SEPTIN8: variants seen among roughly 807,000 people sequenced by gnomAD.
SEPTIN8 encodes septin-8.
In SEPTIN8, 22 loss-of-function variants were observed where a neutral mutation model predicts 53.1. The observed-to-expected ratio is 0.41, with a 90% CI of 0.30 to 0.59. The LOEUF (loss-of-function observed/expected upper bound fraction) is 0.59, where lower values mean the gene tolerates loss of function less well. SEPTIN8 is among the 20% of genes least tolerant of loss of function. The pLI is 0.24. For synonymous variants in SEPTIN8, 228 were observed against 248.4 expected (o/e 0.92, Z 0.77); for missense variants, 536 against 638.7 (o/e 0.84, Z 1.73).
intron 9 of SEPTIN8, chr5:132,755,938 C>A (rs1018172525): frequency 1.0e-4 from 97 of 965,496 alleles, no homozygotes; most frequent in Non-Finnish European, 1.2e-4. Flanking sequence ...ACAGTTGTAG[C>A]AGATTAATGG....
chr5:132,772,682 AT>A (rs1757434362), intron 1 of SEPTIN8, among the ~76,000 whole-genome samples: 2 of 152,190 alleles, frequency 1.3e-5, no homozygotes, highest in Non-Finnish European at 2.9e-5. Flanking sequence ...GGACGGAGGA[AT>A]GCATGGGCAC....
chr5:132,763,543 A>C (rs1043536044), intron 4 of SEPTIN8, among the ~76,000 whole-genome samples, 163 bp downstream of exon 4: 1 of 152,118 alleles, frequency 6.6e-6, no homozygotes, highest in African/African-American at 2.4e-5. Context: ...CTGGAGCAGG[A>C]GGAACAGACG....
chr5:132,757,472 A>G (rs1755448257), intron 9 of SEPTIN8: 1 of 985,548 alleles, frequency 1.0e-6, no homozygotes, highest in Non-Finnish European at 1.2e-6. Flanking sequence ...GGAAATGGTC[A>G]TGAGAAGGAA....
intron 1 of SEPTIN8, among the ~76,000 whole-genome samples, chr5:132,772,450 T>C (rs1160891764): frequency 6.6e-6 from 1 of 152,144 alleles, no homozygotes; most frequent in Admixed American, 6.6e-5. Flanking sequence ...GGCTGCAGAA[T>C]GTACTAGAAC....
At chr5:132,766,790 T>G (rs1756649342) in intron 1 of SEPTIN8, among the ~76,000 whole-genome samples, 1 of 152,112 alleles carries the variant, frequency 6.6e-6, no homozygotes, top group Non-Finnish European at 1.5e-5. Flanking sequence ...CAGGGGGCCC[T>G]GACTCCTGCC....
intron 9 of SEPTIN8, chr5:132,757,065 C>G (rs1755406969): frequency 1.0e-6 from 1 of 985,426 alleles, no homozygotes; most frequent in Non-Finnish European, 1.2e-6. Flanking sequence ...TTTAGATACC[C>G]TCACTGAAGC....
intron 1 of SEPTIN8, among the ~76,000 whole-genome samples, chr5:132,767,231 C>T (rs1430093556): frequency 1.3e-5 from 2 of 152,322 alleles, no homozygotes; most frequent in East Asian, 3.9e-4. Flanking sequence ...AGTTTCCTCT[C>T]ATTGGTGCCC....
chr5:132,752,833 C>A, intron 9 of SEPTIN8: 1 of 1,567,092 alleles, frequency 6.4e-7, no homozygotes, highest in Non-Finnish European at 8.8e-7. Context: ...TATGATGGTT[C>A]TGCTTGAAGA....
chr5:132,772,631 G>A (rs1223212457), intron 1 of SEPTIN8, among the ~76,000 whole-genome samples: 4 of 152,214 alleles, frequency 2.6e-5, no homozygotes, highest in Admixed American at 6.5e-5. Flanking sequence ...AAGGTGCCCC[G>A]CCTTCTGTCC....
intron 1 of SEPTIN8, among the ~76,000 whole-genome samples, chr5:132,770,022 TACACAC>T (rs1300625919): frequency 6.0e-4 from 21 of 34,992 alleles, no homozygotes; most frequent in African/African-American, 2.1e-3. Context: ...TATATATATA[TACACAC>T]ACATATATAT....
At chr5:132,763,209 C>G (rs1756178113) in intron 4 of SEPTIN8, among the ~76,000 whole-genome samples, 2 of 152,198 alleles carry the variant, frequency 1.3e-5, no homozygotes, top group African/African-American at 2.4e-5. Context: ...CCTTCTCTAC[C>G]CCTACAGTAC....
At chr5:132,765,721 T>C (rs1455767496) in intron 1 of SEPTIN8, among the ~76,000 whole-genome samples, 192 bp from the exon 2 acceptor site, 1 of 152,144 alleles carries the variant, frequency 6.6e-6, no homozygotes, top group African/African-American at 2.4e-5. Context: ...GGGAGCCCGA[T>C]GCCCCCAGGG....
chr5:132,769,333 C>G (rs1308266331), intron 1 of SEPTIN8, among the ~76,000 whole-genome samples: 2 of 152,226 alleles, frequency 1.3e-5, no homozygotes, highest in African/African-American at 4.8e-5. Flanking sequence ...GCTTCCAACT[C>G]ATTCATTCAG....
chr5:132,757,523 T>C (rs1755453561), intron 9 of SEPTIN8: 2 of 985,508 alleles, frequency 2.0e-6, no homozygotes, highest in Non-Finnish European at 1.2e-6. Flanking sequence ...CCACAATAAA[T>C]TAGCACGTCT....
rs181420021 is a variant in SEPTIN8, at chr5:132,751,036, G to T, written c.*980C>A. ...TGTTTACAGAGTCTACCCTAAACTC[G>T]TTTGTGCCTTTGGAACAGCTGTTTA... On this transcript the variant is annotated 3_prime_UTR_variant, in exon 10 of 10. Coordinates refer to ENST00000378719, the MANE Select transcript of SEPTIN8 (RefSeq NM_001098811.2). 4 of 1,603,832 alleles carry T rather than the reference G, an allele frequency of 2.5e-6. No homozygotes were observed. The highest frequency in any genetic ancestry group is 3.4e-6 in the Non-Finnish European group (4 of 1,175,962).
intron 9 of SEPTIN8, chr5:132,758,595 T>C: frequency 6.2e-7 from 1 of 1,607,024 alleles, no homozygotes; most frequent in Non-Finnish European, 8.5e-7. Flanking sequence ...GATTCCAGCA[T>C]TCATGGCTTT....
intron 4 of SEPTIN8, 147 bp from the exon 5 acceptor site, chr5:132,762,792 G>T (rs1756130778): frequency 3.5e-6 from 3 of 847,690 alleles, no homozygotes; most frequent in Non-Finnish European, 3.7e-6. Context: ...ACTCCCACGG[G>T]CAGCCATAGT....
At chr5:132,770,073 ATATATATG>A (rs1757108612) in intron 1 of SEPTIN8, among the ~76,000 whole-genome samples, 1 of 63,484 alleles carries the variant, frequency 1.6e-5, no homozygotes. Context: ...GTATATATAT[ATATATATG>A]TATATATGTA....
In SEPTIN8 at chr5:132,752,083, C is replaced by T; in HGVS notation, c.1385G>A (p.Trp462Ter). 4 of 1,603,056 alleles carry T rather than the reference C, an allele frequency of 2.5e-6. No homozygotes were observed. Among genetic ancestry groups the T allele is most frequent in the Non-Finnish European group, 3.4e-6 (4 of 1,174,956 alleles). Residue 462 changes from tryptophan (W) to a stop codon, truncating the protein, a stop_gained, in exon 10 of 10, where the codon TGG becomes TAG. Transcript: ENST00000378719. LOFTEE classifies it high-confidence loss of function. ...ASVEPLNCSSWWPAIQCCSCL... is the reference protein window; with the variant it reads ...ASVEPLNCSS ...GCTGCAGCACTGTATGGCGGGCCAC[C>T]AGCTGCTGCAGTTCAAGGGCTCCAC...
Sources: allele counts gnomAD v4.1 joint callset (sites outside exome capture counted in the v4.1 genomes callset), GRCh38; gene constraint gnomAD v4.1.1; transcripts MANE v1.5; gene names NCBI Gene and HGNC (gene_info 2026-07-23, HGNC 2026-07-21).